Variants in ZNF789 observed in about 807,000 individuals in gnomAD.
ZNF789 encodes zinc finger protein 789.
ZNF789 carries 11 observed loss-of-function variants against 15.6 expected under a neutral mutation model. The ratio of observed to expected loss-of-function variants is 0.70; its 90% confidence interval spans 0.44 to 1.16. The LOEUF is 1.16. Ranked by LOEUF, ZNF789 falls within the 50% of genes most tolerant of loss-of-function variation. ZNF789 has a pLI of 0.00. For synonymous variants in ZNF789, 159 were observed against 176.0 expected (o/e 0.90, Z 0.76); for missense variants, 461 against 512.6 (o/e 0.90, Z 0.97).
In ZNF789 at chr7:99,486,873, A is replaced by C; in HGVS notation, c.663A>C (p.Arg221Ser). The change falls in exon 5 of 5, where the codon AGA (arginine) becomes AGC (serine). Residue 221 changes from arginine to serine, a missense_variant. Arg to Ser is a moderately radical substitution (Grantham distance 110). Coordinates refer to ENST00000331410, the MANE Select transcript of ZNF789 (RefSeq NM_213603.3). ...AGGCATGGTTTGATCAACATCAAAG[A>C]ATTCACTTTTTAGAGAATCCTTTTG... The part of the protein sequence containing the change: ...RRKAWFDQHQ[R>S]IHFLENPFEC... The C allele has an allele frequency of 6.2e-7, 1 of 1,614,210 alleles. No individual in the cohort carries two copies. Among genetic ancestry groups the C allele is most frequent in the Non-Finnish European group, 8.5e-7 (1 of 1,180,046 alleles).
intron 2 of ZNF789, 36 bp downstream of exon 2, chr7:99,476,516 G>C: frequency 6.2e-7 from 1 of 1,608,496 alleles, no homozygotes; most frequent in Non-Finnish European, 8.5e-7. Context: ...CATCAGCATA[G>C]TCACTGCCAC....
At position 99,484,127 on chromosome 7, in the gene ZNF789, C is replaced by A. The variant is rs1455879263; in HGVS notation, c.249C>A (p.Ser83=). Residue 83 remains serine (S), a synonymous_variant, in exon 4 of 5, where the codon TCC becomes TCA. Coordinates refer to ENST00000331410, the MANE Select transcript of ZNF789 (RefSeq NM_213603.3). Reference sequence around the variant, plus strand: ...CGAGAACTGGGAATAGGAAGGCTTCCGGTAGTGCTTGCCCAGGTGGGTGAG... The same window carrying A: ...CGAGAACTGGGAATAGGAAGGCTTCAGGTAGTGCTTGCCCAGGTGGGTGAG... ...DLPRTGNRKA[S]GSACPGSEAR... 1.9e-6 allele frequency: 3 copies of A among 1,613,688 alleles called. No individual in the cohort carries two copies. The highest frequency in any genetic ancestry group is 2.5e-6 in the Non-Finnish European group (3 of 1,179,908).
intron 4 of ZNF789, among the ~76,000 whole-genome samples, 195 bp from the exon 5 acceptor site, chr7:99,486,281 C>T (rs1010548976): frequency 6.6e-6 from 1 of 152,134 alleles, no homozygotes. Context: ...TGCCACTGCA[C>T]TCTAGCCTGG....
intron 4 of ZNF789, among the ~76,000 whole-genome samples, chr7:99,485,787 A>G (rs1341793905): frequency 6.6e-6 from 1 of 152,154 alleles, no homozygotes; most frequent in Non-Finnish European, 1.5e-5. Context: ...AGTTGAGATC[A>G]TGCCACTGCA....
Position 99,472,941 on chromosome 7 carries a change from G to C in ZNF789, c.-170G>C, listed in dbSNP as rs1799093187. On this transcript the variant is annotated 5_prime_UTR_variant, in exon 1 of 5. Transcript: ENST00000331410. The stretch of plus-strand genomic sequence containing the variant: ...TGGTTGTGTCTGTTCCTCCGGTAAG[G>C]GGTGATTCGCCGAGGGGCGCGGACC... 1 of 152,346 alleles carries C rather than the reference G, an allele frequency of 6.6e-6. No individual in the cohort carries two copies. The highest frequency in any genetic ancestry group is 2.1e-4 in the South Asian group (1 of 4,840). 9.4% of individuals were successfully genotyped at this position (152,346 alleles called of 1,614,324 possible). A position where few individuals can be genotyped will look rare whatever the true frequency, so the allele number is the denominator to read the frequency against.
intron 4 of ZNF789, among the ~76,000 whole-genome samples, chr7:99,484,693 C>G (rs1311922850): frequency 6.6e-6 from 1 of 151,980 alleles, no homozygotes; most frequent in Non-Finnish European, 1.5e-5. Context: ...CTTTGGGAGG[C>G]AGAGGCAGGA....
chr7:99,477,752 C>T (rs1311593315), intron 2 of ZNF789, among the ~76,000 whole-genome samples: 5 of 152,098 alleles, frequency 3.3e-5, no homozygotes, highest in Non-Finnish European at 4.4e-5. Context: ...TTGAGACCAG[C>T]CTGGCCAACA....
intron 4 of ZNF789, chr7:99,485,137 G>C: frequency 2.0e-6 from 3 of 1,523,390 alleles, no homozygotes; most frequent in Non-Finnish European, 2.6e-6. Context: ...CCCTTGCTTT[G>C]TTTTGTTTTC....
rs116072215 is a variant in ZNF789 at position 99,485,454 on chromosome 7, G to A, written c.266-1022G>A. 2,405 of 590,318 alleles carry A rather than the reference G, an allele frequency of 4.1e-3. 28 individuals are homozygous for A. Among genetic ancestry groups the A allele is most frequent in the African/African-American group, 0.037 (1,973 of 53,778 alleles). 36.6% of individuals were successfully genotyped at this position (590,318 alleles called of 1,614,324 possible). A position where few individuals can be genotyped will look rare whatever the true frequency, so the allele number is the denominator to read the frequency against. On this transcript the variant is annotated intron_variant, in intron 4 of 4. Coordinates refer to ENST00000331410, the MANE Select transcript of ZNF789 (RefSeq NM_213603.3). ...CCATTGCTCTATTCAGTTGGCTTTT[G>A]TCCCTACTTCCCTCTGGTTCCTTTT...
At chr7:99,480,107 CAT>C in intron 3 of ZNF789, 1 of 349,098 alleles carries the variant, frequency 2.9e-6, no homozygotes. Context: ...GGGTGGATCA[CAT>C]GAGGTCAGTA....
chr7:99,487,256 C>T lies in ZNF789; in HGVS notation c.1046C>T (p.Ser349Phe). 6.2e-7 allele frequency: 1 copy of T among 1,614,144 alleles called. No homozygotes were observed. The highest frequency in any genetic ancestry group is 8.5e-7 in the Non-Finnish European group (1 of 1,180,026). Residue 349 changes from serine to phenylalanine, a missense_variant, in exon 5 of 5, where the codon TCC (serine) becomes TTC (phenylalanine). Ser to Phe is a radical substitution (Grantham distance 155). Transcript: ENST00000331410. ...CATAAATGCAGTGAATGTGGACAGTCCTTTGGTAGGAATGTGGATCTCATT... is the reference window on the plus strand; with the variant it reads ...CATAAATGCAGTGAATGTGGACAGTTCTTTGGTAGGAATGTGGATCTCATT... ...NTHKCSECGQ[S>F]FGRNVDLIQH...
At chr7:99,477,804 T>G (rs1799415479) in intron 2 of ZNF789, among the ~76,000 whole-genome samples, 1 of 152,138 alleles carries the variant, frequency 6.6e-6, no homozygotes, top group African/African-American at 2.4e-5. Flanking sequence ...AAAAATTAGC[T>G]GGGTATAGTG....
intron 4 of ZNF789, chr7:99,485,293 G>C (rs1562887365): frequency 7.6e-7 from 1 of 1,319,348 alleles, no homozygotes; most frequent in Non-Finnish European, 1.1e-6. Context: ...ACAGGATGGG[G>C]CATGTCCTGT....
chr7:99,475,965 C>T (rs1232956325), intron 1 of ZNF789, among the ~76,000 whole-genome samples: 1 of 151,982 alleles, frequency 6.6e-6, no homozygotes. Flanking sequence ...CCACCTCGCC[C>T]AGGTAATTTT....
At chr7:99,476,222 A>G in intron 1 of ZNF789, 181 bp from the exon 2 acceptor site, 1 of 525,768 alleles carries the variant, frequency 1.9e-6, no homozygotes, top group Non-Finnish European at 3.3e-6. Flanking sequence ...GGAGCTTGGG[A>G]AATTGAAATT....
intron 4 of ZNF789, 67 bp from the exon 5 acceptor site, chr7:99,486,409 G>A (rs1182978278): frequency 8.4e-6 from 12 of 1,421,238 alleles, no homozygotes; most frequent in Non-Finnish European, 1.1e-5. Context: ...CCTAACAGTT[G>A]CCTTCTCTTC....
intron 4 of ZNF789, chr7:99,485,512 C>T: frequency 2.1e-6 from 1 of 480,334 alleles, no homozygotes; most frequent in African/African-American, 2.0e-5. Context: ...CATTTTTAAG[C>T]AGATGTTTCA....
chr7:99,477,383 A>T (rs765122439), intron 2 of ZNF789, among the ~76,000 whole-genome samples: 15 of 151,748 alleles, frequency 9.9e-5, no homozygotes, highest in Non-Finnish European at 2.1e-4. Context: ...ACTGTTGCCC[A>T]GGCTGGAATG....
intron 3 of ZNF789, chr7:99,481,862 G>C (rs1047193799): frequency 2.5e-5 from 9 of 362,196 alleles, no homozygotes; most frequent in African/African-American, 4.2e-5. Context: ...AAATAGAGTA[G>C]ATAATAAAAA....
Sources: gnomAD v4.1 joint callset for allele counts (sites outside exome capture counted in the v4.1 genomes callset) on GRCh38, gnomAD v4.1.1 for gene constraint, MANE v1.5 for transcripts, NCBI Gene and HGNC (gene_info 2026-07-23, HGNC 2026-07-21) for gene names.